Variants in LARP1 observed in about 807,000 individuals in gnomAD.
LARP1 encodes la-related protein 1.
LARP1 carries 36 observed loss-of-function variants against 122.7 expected under a neutral mutation model. The ratio of observed to expected loss-of-function variants is 0.29; its 90% CI spans 0.22 to 0.39. The LOEUF (loss-of-function observed/expected upper bound fraction) is 0.39. Ranked by LOEUF, LARP1 falls within the 10% of genes least tolerant of loss-of-function variation. The pLI is 1.00. For missense variants in LARP1, 1,040 were observed against 1,403.6 expected, an observed-to-expected ratio of 0.74 and a Z score of 4.14; for synonymous variants, 539 against 528.7, an observed-to-expected ratio of 1.02 and a Z score of -0.27.
rs112120302 is a variant in LARP1 at position 154,738,760 on chromosome 5, T to A, written c.205+25630T>A. Among the ~76,000 whole-genome samples, 1,214 of 151,614 alleles carry A rather than the reference T, an allele frequency of 8.0e-3. 20 individuals carry two copies. Among genetic ancestry groups the A allele is most frequent in the African/African-American group, 0.028 (1,165 of 41,340 alleles). On this transcript the variant is annotated intron_variant, in intron 1 of 18. Transcript: ENST00000336314. ...GACACAGATGTACCATTTTACCATT[T>A]AAAAAAATGGAGTTAGCCAGGCATA...
At chr5:154,714,697 A>G (rs1163315475) in intron 1 of LARP1, among the ~76,000 whole-genome samples, 1 of 152,110 alleles carries the variant, frequency 6.6e-6, no homozygotes, top group African/African-American at 2.4e-5. Context: ...AATAAATCTC[A>G]GAGAATGTTG....
chr5:154,810,422 C>T (rs577859217), intron 16 of LARP1, among the ~76,000 whole-genome samples: 5 of 149,898 alleles, frequency 3.3e-5, no homozygotes, highest in African/African-American at 7.4e-5. Context: ...GGTGACTGAG[C>T]GAGACTCTGT....
chr5:154,755,357 G>T (rs1439595011), upstream of LARP1, among the ~76,000 whole-genome samples: 1 of 150,642 alleles, frequency 6.6e-6, no homozygotes, highest in Non-Finnish European at 1.5e-5. Flanking sequence ...TGCTTGGCTC[G>T]CCGCGCCTCT....
At chr5:154,687,281 GATA>G (rs1385517403) in intron 1 of LARP1, among the ~76,000 whole-genome samples, 1 of 152,190 alleles carries the variant, frequency 6.6e-6, no homozygotes, top group Admixed American at 6.5e-5. Context: ...TAAAGATGAA[GATA>G]ATAATCTGTA....
intron 8 of LARP1, among the ~76,000 whole-genome samples, chr5:154,796,715 G>A (rs745495730): frequency 6.6e-6 from 1 of 152,206 alleles, no homozygotes; most frequent in Non-Finnish European, 1.5e-5. Context: ...AATTCTGTCA[G>A]TCGGTCTTCA....
At chr5:154,795,437 C>T in intron 8 of LARP1, 118 bp downstream of exon 8, 5 of 1,025,604 alleles carry the variant, frequency 4.9e-6, no homozygotes, top group Non-Finnish European at 1.4e-6. Context: ...CTGCTGAAGT[C>T]TCAAGGCTTG....
intron 1 of LARP1, among the ~76,000 whole-genome samples, chr5:154,705,954 C>T (rs979750038): frequency 5.3e-5 from 8 of 152,102 alleles, no homozygotes; most frequent in Admixed American, 2.6e-4. Context: ...ATAGCAAAGA[C>T]GTGGAATCAA....
chr5:154,756,499 A>G (rs1753922777), intron 1 of LARP1: 6 of 985,874 alleles, frequency 6.1e-6, no homozygotes, highest in Non-Finnish European at 7.2e-6. Flanking sequence ...GGTTTCAGTG[A>G]AACGATCCCC....
chr5:154,691,261 C>CAAAA (rs569760689), intron 1 of LARP1, among the ~76,000 whole-genome samples: 5 of 115,666 alleles, frequency 4.3e-5, no homozygotes, highest in African/African-American at 1.0e-4. Flanking sequence ...GACTCCGTCT[C>CAAAA]AAAAAAAAAA....
At chr5:154,809,375 A>G (rs1025903747) in intron 16 of LARP1, among the ~76,000 whole-genome samples, 7 of 149,610 alleles carry the variant, frequency 4.7e-5, no homozygotes, top group African/African-American at 1.7e-4. Context: ...TCAATGTAAA[A>G]TGTGCTCTCT....
intron 1 of LARP1, among the ~76,000 whole-genome samples, chr5:154,720,851 C>T (rs991090000): frequency 3.3e-5 from 5 of 152,076 alleles, no homozygotes; most frequent in East Asian, 1.9e-4. Context: ...TTGCAAACTG[C>T]GGGCTACGGA....
In LARP1 at chr5:154,755,854, C is replaced by T. The variant is rs1753828878; in HGVS notation, c.97C>T (p.Pro33Ser). The T allele has an allele frequency of 9.9e-7, 1 of 1,006,398 alleles. No individual in the cohort carries two copies. The highest frequency in any genetic ancestry group is 6.0e-5 in the Admixed American group (1 of 16,732). The allele number at this position is 1,006,398 out of a possible 1,614,324, so 62.3% of individuals were successfully genotyped here. Residue 33 changes from proline to serine, a missense_variant, in exon 1 of 19, where the codon CCC (proline) becomes TCC (serine). Physicochemically the swap from Pro to Ser is moderately conservative, Grantham distance 74. Around this residue, in one of 8 missense-constraint regions of LARP1, gnomAD observed 257 missense variants for 273.3 expected, o/e 0.94. Transcript: ENST00000518297. ...GLVRKKPPPA[P>S]EGKGEPGPND... ...GGTGAGGAAGAAGCCGCCGCCGGCG[C>T]CCGAGGGCAAGGGCGAGCCCGGGCC...
chr5:154,704,746 C>T (rs963828411), intron 1 of LARP1, among the ~76,000 whole-genome samples: 2 of 150,780 alleles, frequency 1.3e-5, no homozygotes, highest in African/African-American at 2.4e-5. Flanking sequence ...ACTATGCATT[C>T]GAAAAAAGAG....
Position 154,815,440 on chromosome 5 carries a change from G to C in LARP1, c.*1344G>C, listed in dbSNP as rs1209873540. 1 of 152,294 alleles carries C rather than the reference G, an allele frequency of 6.6e-6. No homozygotes were observed. The highest frequency in any genetic ancestry group is 1.5e-5 in the Non-Finnish European group (1 of 68,046). 9.4% of individuals were successfully genotyped at this position (152,294 alleles called of 1,614,324 possible). Reference sequence around the variant, plus strand: ...GCTTACCATCTCCTCACACCCCAGAGTGGAAAGGTGAACACCTGCAGCTGA... The same window carrying C: ...GCTTACCATCTCCTCACACCCCAGACTGGAAAGGTGAACACCTGCAGCTGA... On this transcript the variant is annotated 3_prime_UTR_variant, in exon 19 of 19. Coordinates refer to ENST00000518297, the MANE Select transcript of LARP1 (RefSeq NM_033551.3).
At chr5:154,710,625 C>T (rs181974133), upstream of LARP1, among the ~76,000 whole-genome samples, 153 of 151,628 alleles carry the variant, frequency 1.0e-3, 3 homozygotes, top group East Asian at 0.025. Context: ...CACCTATAAT[C>T]CCAGCTACTC....
chr5:154,735,110 C>T (rs1756799407), intron 1 of LARP1, among the ~76,000 whole-genome samples: 1 of 152,142 alleles, frequency 6.6e-6, no homozygotes, highest in South Asian at 2.1e-4. Context: ...CATCTCTTAG[C>T]TATTGTGAAT....
Position 154,792,819 on chromosome 5 carries a change from TG to T in LARP1, c.739+26del, listed in dbSNP as rs750557479. ...AAGGTGAGTGACTGGGAGCAGGACT[TG>T]GGAGAAGGTGGCAGGGTAGAACTGT... On this transcript the variant is annotated intron_variant, in intron 4 of 18. Coordinates refer to ENST00000518297, the MANE Select transcript of LARP1 (RefSeq NM_033551.3). The T allele has an allele frequency of 7.5e-6, 12 of 1,610,052 alleles. No homozygotes were observed. In the South Asian group the frequency reaches 1.3e-4, roughly 18 times the overall value.
intron 1 of LARP1, among the ~76,000 whole-genome samples, chr5:154,786,300 C>G (rs1266366609): frequency 1.3e-5 from 2 of 152,134 alleles, no homozygotes; most frequent in Admixed American, 6.5e-5. Flanking sequence ...CTCGGCCTCC[C>G]AAAATGCTGG....
intron 1 of LARP1, among the ~76,000 whole-genome samples, chr5:154,781,830 A>G (rs1250318454): frequency 1.3e-5 from 2 of 152,310 alleles, no homozygotes; most frequent in Non-Finnish European, 2.9e-5. Flanking sequence ...TAATTCTTCC[A>G]TTGTGGCTCA....
Sources: gnomAD v4.1 joint callset for allele counts (sites outside exome capture counted in the v4.1 genomes callset) on GRCh38, gnomAD v4.1.1 for gene constraint, gnomAD v4.1.1 regional missense constraint, MANE v1.5 for transcripts, NCBI Gene and HGNC (gene_info 2026-07-23, HGNC 2026-07-21) for gene names.